The following TNFRSF10B variants were observed in gnomAD, a reference collection of about 807,000 sequenced individuals.
The protein encoded by TNFRSF10B is TNF receptor superfamily member 10b.
A neutral mutation model predicts 41.4 loss-of-function variants in TNFRSF10B; 35 were observed. The observed-to-expected ratio is 0.85, with a 90% confidence interval of 0.65 to 1.12. The LOEUF (loss-of-function observed/expected upper bound fraction) is 1.12. Ranked by LOEUF, TNFRSF10B falls within the 50% of genes most tolerant of loss-of-function variation. The pLI, the probability that TNFRSF10B is intolerant of heterozygous loss-of-function variation, is 0.00. For missense variants in TNFRSF10B, 584 were observed against 552.7 expected, an observed-to-expected ratio of 1.06 and a Z score of -0.57; for synonymous variants, 230 against 215.5, an observed-to-expected ratio of 1.07 and a Z score of -0.59.
intron 1 of TNFRSF10B, among the ~76,000 whole-genome samples, chr8:23,058,630 C>CAT (rs1812738388): frequency 2.0e-5 from 3 of 152,038 alleles, no homozygotes; most frequent in African/African-American, 7.2e-5. Context: ...GGACTACAGG[C>CAT]ATGCATCACA....
At chr8:23,033,441 G>A (rs1327190144) in intron 2 of TNFRSF10B, among the ~76,000 whole-genome samples, 1 of 151,760 alleles carries the variant, frequency 6.6e-6, no homozygotes. Context: ...AAAAAAATTA[G>A]CCGGGCGAGG....
rs370492635 is a variant in TNFRSF10B at position 23,024,325 on chromosome 8, G to A, written c.937-65C>T. On this transcript the variant is annotated intron_variant, in intron 7 of 8. Transcript: ENST00000276431. ...AGTCCTACAGTCCAGTACTGACCCC[G>A]ACCACCAGCCAGCTCTGAGACCTGC... 116 of 1,584,528 alleles carry A rather than the reference G, an allele frequency of 7.3e-5. 2 individuals are homozygous for A. The highest frequency in any genetic ancestry group is 4.9e-4 in the East Asian group (22 of 44,688).
Position 23,045,597 on chromosome 8 carries a change from A to C in TNFRSF10B, c.145-2354T>G, listed in dbSNP as rs371247659. Among the ~76,000 whole-genome samples the C allele has an allele frequency of 8.5e-5, 13 of 152,340 alleles. No homozygotes were observed. In the Middle Eastern group the frequency reaches 0.01, roughly 120 times the overall value. Reference sequence around the variant, plus strand: ...TCCAAACTTATTTTACAAGGCTTGCATTACCTTGATACCAAAGCCAGAATA... The same window carrying C: ...TCCAAACTTATTTTACAAGGCTTGCCTTACCTTGATACCAAAGCCAGAATA... On this transcript the variant is annotated intron_variant, in intron 1 of 8. Coordinates refer to ENST00000276431, the MANE Select transcript of TNFRSF10B (RefSeq NM_003842.5).
intron 2 of TNFRSF10B, among the ~76,000 whole-genome samples, chr8:23,034,725 G>A (rs767316933): frequency 6.6e-6 from 1 of 152,212 alleles, no homozygotes; most frequent in Non-Finnish European, 1.5e-5. Flanking sequence ...TACCCTGCCT[G>A]TAAAGCACAA....
intron 2 of TNFRSF10B, among the ~76,000 whole-genome samples, chr8:23,035,111 C>T (rs1415322254): frequency 6.6e-6 from 1 of 152,016 alleles, no homozygotes; most frequent in African/African-American, 2.4e-5. Context: ...TGCATCAACT[C>T]GCAGCCCTAT....
intron 1 of TNFRSF10B, among the ~76,000 whole-genome samples, chr8:23,047,165 C>G (rs1812388399): frequency 6.6e-6 from 1 of 151,996 alleles, no homozygotes; most frequent in Admixed American, 6.6e-5. Flanking sequence ...CAAGACCAGC[C>G]TGATCAACAT....
At position 23,046,615 on chromosome 8, in the gene TNFRSF10B, TAAAAA is replaced by T. The variant is rs147614589; in HGVS notation, c.145-3377_145-3373del. Among the ~76,000 whole-genome samples, 1,116 of 129,868 alleles carry T rather than the reference TAAAAA, an allele frequency of 8.6e-3. 25 individuals are homozygous for T. Among genetic ancestry groups the T allele is most frequent in the African/African-American group, 0.027 (1,032 of 38,118 alleles). 85.2% of individuals were successfully genotyped at this position (129,868 alleles called of 152,430 possible). A position where few individuals can be genotyped will look rare whatever the true frequency, so the allele number is the denominator to read the frequency against. On this transcript the variant is annotated intron_variant, in intron 1 of 8. Coordinates refer to ENST00000276431, the MANE Select transcript of TNFRSF10B (RefSeq NM_003842.5). ...CAATCCTAAAATTCATATGCAACCA[TAAAAA>T]AAAAAAAAAAAAAACACAAATAGCC...
At chr8:23,062,077 GT>G (rs1319907345) in intron 1 of TNFRSF10B, among the ~76,000 whole-genome samples, 1 of 152,114 alleles carries the variant, frequency 6.6e-6, no homozygotes, top group African/African-American at 2.4e-5. Context: ...TTCTCTTCAA[GT>G]TTTTGAAAGA....
intron 5 of TNFRSF10B, chr8:23,028,095 C>A: frequency 4.8e-6 from 3 of 623,778 alleles, no homozygotes; most frequent in Non-Finnish European, 8.3e-6. Flanking sequence ...TGGCCCTGCC[C>A]TCCTGGACTT....
Position 23,022,432 on chromosome 8 carries a change from G to A in TNFRSF10B, c.*239C>T, listed in dbSNP as rs181505890. On this transcript the variant is annotated 3_prime_UTR_variant, in exon 9 of 9. Transcript: ENST00000276431. ...ACCAAATCTCAAAGTACGCACAAAC[G>A]GAATGATCCAGACATTTCCATAGTG... 18 of 646,120 alleles carry A rather than the reference G, an allele frequency of 2.8e-5. No individual in the cohort carries two copies. The highest frequency in any genetic ancestry group is 2.1e-4 in the South Asian group (14 of 66,228). The allele number at this position is 646,120 out of a possible 1,614,324, so 40.0% of individuals were successfully genotyped here. A position where few individuals can be genotyped will look rare whatever the true frequency, so the allele number is the denominator to read the frequency against.
chr8:23,043,432 A>C (rs916778271), intron 1 of TNFRSF10B, among the ~76,000 whole-genome samples, 189 bp from the exon 2 acceptor site: 2 of 152,344 alleles, frequency 1.3e-5, no homozygotes, highest in Non-Finnish European at 2.9e-5. Flanking sequence ...CAAGTAACAT[A>C]CACCTGCAAA....
intron 1 of TNFRSF10B, among the ~76,000 whole-genome samples, chr8:23,054,257 C>A (rs1812600915): frequency 6.6e-6 from 1 of 152,176 alleles, no homozygotes; most frequent in South Asian, 2.1e-4. Context: ...ACTGCATGAA[C>A]TGAACTAATA....
chr8:23,064,973 T>C (rs1812940530), intron 1 of TNFRSF10B, among the ~76,000 whole-genome samples: 1 of 152,190 alleles, frequency 6.6e-6, no homozygotes, highest in Non-Finnish European at 1.5e-5. Context: ...CTGCACAGCC[T>C]CCCTCTGTCA....
At chr8:23,048,149 C>T (rs552039812) in intron 1 of TNFRSF10B, among the ~76,000 whole-genome samples, 33 of 152,190 alleles carry the variant, frequency 2.2e-4, no homozygotes, top group Admixed American at 1.8e-3. Context: ...TTGAAAACAA[C>T]GAGGCTGGGC....
At position 23,065,738 on chromosome 8, in the gene TNFRSF10B, A is replaced by G. The variant is rs1000356890; in HGVS notation, c.144+3013T>C. On this transcript the variant is annotated intron_variant, in intron 1 of 8. Coordinates refer to ENST00000276431, the MANE Select transcript of TNFRSF10B (RefSeq NM_003842.5). ...GTTTTCTGTGACCAGAATAATGCCC[A>G]ATAGACTTTGAAAGAACACAGTGAT... 4.6e-5 allele frequency among the ~76,000 whole-genome samples: 7 copies of G among 152,202 alleles called. No homozygotes were observed. The East Asian group carries it at 1.3e-3, about 29-fold the overall frequency.
rs369987883 is a variant in TNFRSF10B, at chr8:23,027,115, G to A, written c.936+18C>T. 11 of 1,613,548 alleles carry A rather than the reference G, an allele frequency of 6.8e-6. No homozygotes were observed. The African/African-American group carries it at 1.3e-4, about 20-fold the overall frequency. On this transcript the variant is annotated intron_variant, in intron 7 of 8. Transcript: ENST00000276431. The stretch of plus-strand genomic sequence containing the variant: ...TGAGCAGCATGCCAGGAAACAAAAT[G>A]ATCTGTCCCCCACTCACCAGCAGAT...
intron 1 of TNFRSF10B, among the ~76,000 whole-genome samples, chr8:23,046,721 A>C (rs944823429): frequency 3.9e-5 from 6 of 152,178 alleles, no homozygotes; most frequent in Admixed American, 3.9e-4. Flanking sequence ...CAAAGCAATA[A>C]TAATTAAAAC....
chr8:23,022,690 G>A lies in TNFRSF10B; in HGVS notation c.1304C>T (p.Ala435Val). 1 of 1,614,004 alleles carries A rather than the reference G, an allele frequency of 6.2e-7. No homozygotes were observed. Among genetic ancestry groups the A allele is most frequent in the Non-Finnish European group, 8.5e-7 (1 of 1,180,024 alleles). The change falls in exon 9 of 9, where the codon GCA (alanine) becomes GTA (valine). Residue 435 changes from alanine (A) to valine (V), a missense_variant. By Grantham distance (64) the Ala-to-Val change is moderately conservative. Coordinates refer to ENST00000276431, the MANE Select transcript of TNFRSF10B (RefSeq NM_003842.5). ...TCACACTTAGGACATGGCAGAGTCTGCATTACCTTCTAGATACATGAACTT... is the reference window on the plus strand; with the variant it reads ...TCACACTTAGGACATGGCAGAGTCTACATTACCTTCTAGATACATGAACTT... ...SGKFMYLEGNADSAMS is the reference protein window; with the variant it reads ...SGKFMYLEGNVDSAMS
At chr8:23,057,759 A>G (rs983615655) in intron 1 of TNFRSF10B, among the ~76,000 whole-genome samples, 8 of 152,154 alleles carry the variant, frequency 5.3e-5, no homozygotes, top group African/African-American at 1.9e-4. Flanking sequence ...ATATCTTATG[A>G]TTATTATGTC....
Sources: allele counts gnomAD v4.1 joint callset (sites outside exome capture counted in the v4.1 genomes callset), GRCh38; gene constraint gnomAD v4.1.1; transcripts MANE v1.5; gene names NCBI Gene and HGNC (gene_info 2026-07-23, HGNC 2026-07-21).